Variants in GDPD5 observed in about 807,000 individuals in gnomAD.
The protein encoded by GDPD5 is glycerophosphodiester phosphodiesterase 2.
Under a neutral mutation model 75.1 loss-of-function variants are expected in GDPD5, and 48 were observed. The observed-to-expected ratio is 0.64, with a 90% confidence interval of 0.51 to 0.81. GDPD5 has a LOEUF of 0.81. GDPD5 is among the 40% of genes least tolerant of loss of function. GDPD5 has a pLI of 0.00. For synonymous variants in GDPD5, 336 were observed against 339.0 expected (o/e 0.99, Z 0.10); for missense variants, 706 against 822.6 (o/e 0.86, Z 1.73).
At chr11:75,502,684 G>A (rs534942919) in intron 1 of GDPD5, among the ~76,000 whole-genome samples, 4 of 152,254 alleles carry the variant, frequency 2.6e-5, no homozygotes, top group East Asian at 3.9e-4. Flanking sequence ...GTGACACTAC[G>A]GCACTTTCAG....
intron 15 of GDPD5, chr11:75,438,362 C>G (rs529254977): frequency 6.6e-6 from 1 of 152,270 alleles, no homozygotes; most frequent in Non-Finnish European, 1.5e-5. Flanking sequence ...CTCCTGATCC[C>G]CAGGAGACAA....
chr11:75,457,527 T>C (rs548228571), intron 5 of GDPD5, among the ~76,000 whole-genome samples, 166 bp downstream of exon 5: 31 of 152,386 alleles, frequency 2.0e-4, no homozygotes, highest in African/African-American at 7.5e-4. Flanking sequence ...CATATCTTTC[T>C]GTATTTTTGA....
At position 75,456,748 on chromosome 11, in the gene GDPD5, G is replaced by A. The variant is rs12789498; in HGVS notation, c.375+9C>T. On this transcript the variant is annotated intron_variant, in intron 6 of 16. Transcript: ENST00000336898. ...GCTCTCTCCCAGCCCCGGCCGAGGC[G>A]GCCCTTACCTTGTGCAGCCAGTGCA... 0.055 allele frequency: 89,268 copies of A among 1,613,724 alleles called. 4,099 individuals are homozygous for A. Among genetic ancestry groups the A allele is most frequent in the South Asian group, 0.21 (18,885 of 91,058 alleles).
chr11:75,468,689 CG>C (rs959382558), intron 3 of GDPD5, among the ~76,000 whole-genome samples: 6 of 152,146 alleles, frequency 3.9e-5, no homozygotes, highest in Non-Finnish European at 8.8e-5. Context: ...GCCCCCCCCC[CG>C]GGAGGTGGAG....
chr11:75,481,195 A>G (rs1949909117), intron 2 of GDPD5, among the ~76,000 whole-genome samples: 1 of 152,126 alleles, frequency 6.6e-6, no homozygotes, highest in African/African-American at 2.4e-5. Context: ...ATGAGCTCCT[A>G]AGATGCCACT....
chr11:75,511,005 G>A (rs752685029), intron 1 of GDPD5, among the ~76,000 whole-genome samples: 25 of 152,152 alleles, frequency 1.6e-4, no homozygotes, highest in Non-Finnish European at 2.5e-4. Flanking sequence ...GAAAACCCTC[G>A]GAGGAAAGAG....
intron 1 of GDPD5, among the ~76,000 whole-genome samples, chr11:75,511,128 T>C (rs1950510330): frequency 6.6e-6 from 1 of 152,214 alleles, no homozygotes; most frequent in East Asian, 1.9e-4. Context: ...GTTCTTTTGG[T>C]GGATGAAAGA....
rs199691132 is a variant in GDPD5 at position 75,456,736 on chromosome 11, C to G, written c.375+21G>C. On this transcript the variant is annotated intron_variant, in intron 6 of 16. Transcript: ENST00000336898. The stretch of plus-strand genomic sequence containing the variant: ...CCAGCTTCCCTTGCTCTCTCCCAGC[C>G]CCGGCCGAGGCGGCCCTTACCTTGT... 3.6e-3 allele frequency: 5,733 copies of G among 1,613,828 alleles called. 17 individuals carry two copies. Among genetic ancestry groups the G allele is most frequent in the Non-Finnish European group, 4.5e-3 (5,295 of 1,179,718 alleles).
intron 6 of GDPD5, chr11:75,450,688 G>A (rs1949118547): frequency 6.6e-6 from 1 of 152,334 alleles, no homozygotes; most frequent in African/African-American, 2.4e-5. Flanking sequence ...GAGATCTCTG[G>A]TGACAGGTAA....
At chr11:75,449,280 C>T (rs959909915) in intron 8 of GDPD5, among the ~76,000 whole-genome samples, 158 bp from the exon 9 acceptor site, 2 of 152,282 alleles carry the variant, frequency 1.3e-5, no homozygotes, top group South Asian at 2.1e-4. Flanking sequence ...CTCACACAGA[C>T]ACAGGTGCAT....
chr11:75,441,198 C>T lies in GDPD5; in HGVS notation c.1438G>A (p.Ala480Thr), dbSNP rs571353. Residue 480 changes from alanine (A) to threonine (T), a missense_variant, in exon 14 of 17, where the codon GCC (alanine) becomes ACC (threonine). By Grantham distance (58) the Ala-to-Thr change is moderately conservative. Coordinates refer to ENST00000336898, the MANE Select transcript of GDPD5 (RefSeq NM_030792.8). ...AGGGGGGAAGGCACCTGGGACAGGG[C>T]GTGGGAGTTGTCAGAGGTGACGGAT... ...VPSVTSDNSH[A>T]LSQVPSPLWI... 0.71 allele frequency: 1,143,467 copies of T among 1,613,256 alleles called. 409,128 individuals carry two copies. The highest frequency in any genetic ancestry group is 0.91 in the East Asian group (41,005 of 44,854).
chr11:75,441,609 C>T (rs1197150425), intron 13 of GDPD5, 37 bp downstream of exon 13: 8 of 1,519,356 alleles, frequency 5.3e-6, no homozygotes, highest in African/African-American at 1.4e-5. Context: ...GACTCAGTCC[C>T]ACCCTCTCCT....
chr11:75,464,051 T>G (rs1340407455), intron 3 of GDPD5, among the ~76,000 whole-genome samples: 1 of 152,198 alleles, frequency 6.6e-6, no homozygotes, highest in Non-Finnish European at 1.5e-5. Context: ...CAGACAAGTG[T>G]GGGTTCTGCA....
In GDPD5 at chr11:75,439,973, CG is replaced by C; in HGVS notation, c.1474-13del. ...TACTCGTCCGGGGGCTGTGGACAGACGGCCCGAGGCCAACTTCCAGTCATGG... is the reference window on the plus strand; with the variant it reads ...TACTCGTCCGGGGGCTGTGGACAGACGCCCGAGGCCAACTTCCAGTCATGG... On this transcript the variant is annotated splice_polypyrimidine_tract_variant and intron_variant, in intron 14 of 16. Transcript: ENST00000336898. 5 of 1,606,910 alleles carry C rather than the reference CG, an allele frequency of 3.1e-6. No individual in the cohort carries two copies. The highest frequency in any genetic ancestry group is 3.3e-4 in the Middle Eastern group (2 of 6,030).
chr11:75,487,945 C>G (rs1287384776), intron 2 of GDPD5, among the ~76,000 whole-genome samples: 2 of 152,226 alleles, frequency 1.3e-5, no homozygotes, highest in Non-Finnish European at 2.9e-5. Context: ...AATAATTCAA[C>G]TGGTATCTTC....
Position 75,462,724 on chromosome 11 carries a change from G to A in GDPD5, c.221+62C>T, listed in dbSNP as rs566400615. 85 of 1,289,422 alleles carry A rather than the reference G, an allele frequency of 6.6e-5. No homozygotes were observed. In the African/African-American group the frequency reaches 1.1e-3, roughly 16 times the overall value. 79.9% of individuals were successfully genotyped at this position (1,289,422 alleles called of 1,614,324 possible). ...GACAGGCTCTAACTCCAGCCCCCAG[G>A]TCCCAGCTACTGGATACCCAGCTCT... On this transcript the variant is annotated intron_variant, in intron 4 of 16. Coordinates refer to ENST00000336898, the MANE Select transcript of GDPD5 (RefSeq NM_030792.8).
chr11:75,457,378 G>C (rs1949306780), intron 5 of GDPD5, among the ~76,000 whole-genome samples: 1 of 152,222 alleles, frequency 6.6e-6, no homozygotes, highest in Admixed American at 6.5e-5. Flanking sequence ...GGGGGACCCA[G>C]GCCTCAGGTG....
At chr11:75,479,903 C>T (rs1262381983) in intron 2 of GDPD5, among the ~76,000 whole-genome samples, 1 of 152,190 alleles carries the variant, frequency 6.6e-6, no homozygotes, top group Non-Finnish European at 1.5e-5. Flanking sequence ...CTTTTTATGT[C>T]TAACATTCTG....
At chr11:75,509,960 A>G (rs1950481347) in intron 1 of GDPD5, among the ~76,000 whole-genome samples, 1 of 152,210 alleles carries the variant, frequency 6.6e-6, no homozygotes, top group East Asian at 1.9e-4. Flanking sequence ...GATTATAGGC[A>G]TGAGCTACCA....
Sources: gnomAD v4.1 joint callset for allele counts (sites outside exome capture counted in the v4.1 genomes callset) on GRCh38, gnomAD v4.1.1 for gene constraint, MANE v1.5 for transcripts, NCBI Gene and HGNC (gene_info 2026-07-23, HGNC 2026-07-21) for gene names.